CBL: variants seen among roughly 807,000 people sequenced by gnomAD.
CBL encodes E3 ubiquitin-protein ligase CBL.
A neutral mutation model predicts 96.9 loss-of-function variants in CBL; 45 were observed. The observed-to-expected ratio is 0.46, with a 90% confidence interval of 0.37 to 0.60. CBL has a LOEUF of 0.60. Among genes scored for constraint, CBL ranks in the 20% least tolerant of loss-of-function variants. The probability of loss-of-function intolerance (pLI) is 0.00; values close to 1 mark genes in which losing one functional copy is unlikely to be tolerated. For synonymous variants in CBL, 420 were observed against 426.8 expected, an observed-to-expected ratio of 0.98 and a Z score of 0.20; for missense variants, 1,024 against 1,143.5, an observed-to-expected ratio of 0.90 and a Z score of 1.51.
chr11:119,285,272 C>T lies in CBL; in HGVS notation c.1647C>T (p.Asp549=), dbSNP rs369030902. 1 of 1,614,200 alleles carries T rather than the reference C, an allele frequency of 6.2e-7. No individual in the cohort carries two copies. The highest frequency in any genetic ancestry group is 8.5e-7 in the Non-Finnish European group (1 of 1,180,044). The change falls in exon 11 of 16, where the codon GAC becomes GAT. Residue 549 remains aspartate, a synonymous_variant. Coordinates refer to ENST00000264033, the MANE Select transcript of CBL (RefSeq NM_005188.4). ...LRDLPPPPPP[D]RPYSVGAESR... is the part of the protein sequence containing the mutation. ...ATCTTCCACCACCACCGCCTCCAGA[C>T]CGGCCATATTCTGTTGGAGCAGAAT... is the stretch of plus-strand genomic sequence containing the variant.
Position 119,206,356 on chromosome 11 carries a change from C to G in CBL, c.-62C>G, listed in dbSNP as rs1459565190. The G allele has an allele frequency of 7.5e-7, 1 of 1,328,658 alleles. No homozygotes were observed. Among genetic ancestry groups the G allele is most frequent in the African/African-American group, 1.5e-5 (1 of 64,820 alleles). The allele number at this position is 1,328,658 out of a possible 1,614,324, so 82.3% of individuals were successfully genotyped here. A position where few individuals can be genotyped will look rare whatever the true frequency, so the allele number is the denominator to read the frequency against. On this transcript the variant is annotated 5_prime_UTR_variant, in exon 1 of 16. Coordinates refer to ENST00000264033, the MANE Select transcript of CBL (RefSeq NM_005188.4). ...GGCCCCTCCTTCACGCCCTGCTTCTCTCCCTCGCTCGCAGTCGAGCCGAGC... is the reference window on the plus strand; with the variant it reads ...GGCCCCTCCTTCACGCCCTGCTTCTGTCCCTCGCTCGCAGTCGAGCCGAGC...
intron 2 of CBL, among the ~76,000 whole-genome samples, chr11:119,255,819 A>G (rs1949706967): frequency 1.3e-5 from 2 of 151,930 alleles, no homozygotes; most frequent in African/African-American, 4.8e-5. Context: ...AATGATGGAG[A>G]ATGGATTTTG....
Position 119,206,423 on chromosome 11 carries a change from C to G in CBL, c.6C>G (p.Ala2=), listed in dbSNP as rs770473070. The change falls in exon 1 of 16, where the codon GCC becomes GCG. Residue 2 remains alanine, a synonymous_variant. Coordinates refer to ENST00000264033, the MANE Select transcript of CBL (RefSeq NM_005188.4). M[A]GNVKKSSGAG... ...GCTCCGACCCTGCCCAGGCCATGGC[C>G]GGCAACGTGAAGAAGAGCTCTGGGG... 1.9e-5 allele frequency: 29 copies of G among 1,564,374 alleles called. No individual in the cohort carries two copies. The African/African-American group carries it at 3.2e-4, about 18-fold the overall frequency.
intron 1 of CBL, among the ~76,000 whole-genome samples, chr11:119,218,658 A>G (rs1376478281): frequency 1.3e-5 from 2 of 152,146 alleles, no homozygotes; most frequent in Admixed American, 6.6e-5. Context: ...TACACCGTCT[A>G]CACTACCCAC....
chr11:119,306,061 T>C lies in CBL; in HGVS notation c.*6280T>C, dbSNP rs1251251400. On this transcript the variant is annotated 3_prime_UTR_variant, in exon 16 of 16. Coordinates refer to ENST00000264033, the MANE Select transcript of CBL (RefSeq NM_005188.4). Reference sequence around the variant, plus strand: ...CCCAGGAAATCTGGGTTGGTTCCAGTGGGAAATACCAGTATTTCTTGGTTC... The same window carrying C: ...CCCAGGAAATCTGGGTTGGTTCCAGCGGGAAATACCAGTATTTCTTGGTTC... The C allele has an allele frequency of 5.2e-6, 2 of 381,414 alleles. No individual in the cohort carries two copies. Among genetic ancestry groups the C allele is most frequent in the African/African-American group, 4.1e-5 (2 of 48,326 alleles). 23.6% of individuals were successfully genotyped at this position (381,414 alleles called of 1,614,324 possible).
Position 119,300,695 on chromosome 11 carries a change from A to G in CBL, c.*914A>G. The G allele has an allele frequency of 2.5e-6, 1 of 397,540 alleles. No homozygotes were observed. The highest frequency in any genetic ancestry group is 4.4e-6 in the Non-Finnish European group (1 of 225,630). The allele number at this position is 397,540 out of a possible 1,614,324, so 24.6% of individuals were successfully genotyped here. A position where few individuals can be genotyped will look rare whatever the true frequency, so the allele number is the denominator to read the frequency against. On this transcript the variant is annotated 3_prime_UTR_variant, in exon 16 of 16. Coordinates refer to ENST00000264033, the MANE Select transcript of CBL (RefSeq NM_005188.4). ...CGATTTGAGATAGAGGCCTTTAAAT[A>G]CATTCCATGCCCTCCCCAGAAAATA... is the stretch of plus-strand genomic sequence containing the variant.
chr11:119,305,543 C>T lies in CBL; in HGVS notation c.*5762C>T. On this transcript the variant is annotated 3_prime_UTR_variant, in exon 16 of 16. Coordinates refer to ENST00000264033, the MANE Select transcript of CBL (RefSeq NM_005188.4). ...TCCTTCCTGTGTGAGGGCCGCTCTG[C>T]AGTAATGTTCTCAGGCAAGCCTTCC... 4.4e-6 allele frequency: 1 copy of T among 228,730 alleles called. No individual in the cohort carries two copies. Among genetic ancestry groups the T allele is most frequent in the Non-Finnish European group, 8.7e-6 (1 of 115,288 alleles). 14.2% of individuals were successfully genotyped at this position (228,730 alleles called of 1,614,324 possible). A position where few individuals can be genotyped will look rare whatever the true frequency, so the allele number is the denominator to read the frequency against.
At position 119,305,260 on chromosome 11, in the gene CBL, A is replaced by G. The variant is rs139039795; in HGVS notation, c.*5479A>G. The stretch of plus-strand genomic sequence containing the variant: ...TTCCCTTTGTCAGTCTTCGCATCCA[A>G]GATTTCTTCCCTCCCTCTTGTGGGC... On this transcript the variant is annotated 3_prime_UTR_variant, in exon 16 of 16. Coordinates refer to ENST00000264033, the MANE Select transcript of CBL (RefSeq NM_005188.4). 2 of 232,074 alleles carry G rather than the reference A, an allele frequency of 8.6e-6. No homozygotes were observed. The highest frequency in any genetic ancestry group is 6.1e-5 in the East Asian group (1 of 16,430). 14.4% of individuals were successfully genotyped at this position (232,074 alleles called of 1,614,324 possible). A position where few individuals can be genotyped will look rare whatever the true frequency, so the allele number is the denominator to read the frequency against.
chr11:119,277,895 T>C, intron 7 of CBL, 51 bp downstream of exon 7: 2 of 1,229,368 alleles, frequency 1.6e-6, no homozygotes, highest in Admixed American at 1.7e-5. Context: ...AGCTTTAGTA[T>C]ATTCTTTATA....
At chr11:119,286,377 A>G (rs954092098) in intron 11 of CBL, among the ~76,000 whole-genome samples, 5 of 152,236 alleles carry the variant, frequency 3.3e-5, no homozygotes, top group Non-Finnish European at 5.9e-5. Context: ...CATAAATGCC[A>G]TTTGTAATCT....
chr11:119,299,115 C>T (rs1008228890), intron 15 of CBL, among the ~76,000 whole-genome samples: 4 of 152,240 alleles, frequency 2.6e-5, no homozygotes, highest in African/African-American at 9.6e-5. Context: ...GCTAATGCTT[C>T]TTCATTGCAA....
chr11:119,210,130 A>G (rs1949304860), intron 1 of CBL, among the ~76,000 whole-genome samples: 2 of 152,186 alleles, frequency 1.3e-5, no homozygotes, highest in African/African-American at 2.4e-5. Context: ...TAATCCCAAC[A>G]CTTTGGGAGG....
chr11:119,264,784 A>G (rs1457651888), intron 2 of CBL, among the ~76,000 whole-genome samples: 1 of 152,114 alleles, frequency 6.6e-6, no homozygotes, highest in Admixed American at 6.5e-5. Context: ...TGCCCAACCT[A>G]TAAGGAAATT....
intron 1 of CBL, among the ~76,000 whole-genome samples, chr11:119,230,739 C>T (rs1949496230): frequency 6.6e-6 from 1 of 152,198 alleles, no homozygotes; most frequent in Admixed American, 6.5e-5. Context: ...ACCGCTGATA[C>T]TGAATTTCCT....
At chr11:119,272,718 C>T (rs537519486) in intron 3 of CBL, among the ~76,000 whole-genome samples, 1 of 152,252 alleles carries the variant, frequency 6.6e-6, no homozygotes, top group South Asian at 2.1e-4. Flanking sequence ...TTCTTCTCAC[C>T]TTTATGACCA....
At position 119,305,267 on chromosome 11, in the gene CBL, TTCCCTCCC is replaced by T. The variant is rs1169984030; in HGVS notation, c.*5489_*5496del. On this transcript the variant is annotated 3_prime_UTR_variant, in exon 16 of 16. Coordinates refer to ENST00000264033, the MANE Select transcript of CBL (RefSeq NM_005188.4). Reference sequence around the variant, plus strand: ...TGTCAGTCTTCGCATCCAAGATTTCTTCCCTCCCTCTTGTGGGCCAGCCTGTCCTGTTC... The same window carrying T: ...TGTCAGTCTTCGCATCCAAGATTTCTTCTTGTGGGCCAGCCTGTCCTGTTC... The T allele has an allele frequency of 4.3e-6, 1 of 231,704 alleles. No homozygotes were observed. The highest frequency in any genetic ancestry group is 8.5e-6 in the Non-Finnish European group (1 of 117,146). 14.4% of individuals were successfully genotyped at this position (231,704 alleles called of 1,614,324 possible). A position where few individuals can be genotyped will look rare whatever the true frequency, so the allele number is the denominator to read the frequency against.
Position 119,303,359 on chromosome 11 carries a change from AGTTT to A in CBL, c.*3586_*3589del, listed in dbSNP as rs1293906744. The A allele has an allele frequency of 6.4e-5, 15 of 233,468 alleles. No homozygotes were observed. The highest frequency in any genetic ancestry group is 2.8e-4 in the Admixed American group (5 of 17,794). 14.5% of individuals were successfully genotyped at this position (233,468 alleles called of 1,614,324 possible). On this transcript the variant is annotated 3_prime_UTR_variant, in exon 16 of 16. Coordinates refer to ENST00000264033, the MANE Select transcript of CBL (RefSeq NM_005188.4). The stretch of plus-strand genomic sequence containing the variant: ...TTCTGACTATTGGTCTGGCTCTAAC[AGTTT>A]GTTTGTTCATCCAGCAAATGTTTAT...
At chr11:119,210,377 A>C (rs1473780107) in intron 1 of CBL, among the ~76,000 whole-genome samples, 1 of 152,140 alleles carries the variant, frequency 6.6e-6, no homozygotes, top group South Asian at 2.1e-4. Context: ...ACCCTGTTTC[A>C]AAAACAAATA....
chr11:119,297,006 C>T lies in CBL; in HGVS notation c.2125C>T (p.Arg709Trp), dbSNP rs587778155. 8.1e-6 allele frequency: 13 copies of T among 1,599,242 alleles called. No individual in the cohort carries two copies. Among genetic ancestry groups the T allele is most frequent in the Non-Finnish European group, 1.0e-5 (12 of 1,166,560 alleles). The change falls in exon 13 of 16, where the codon CGG (arginine) becomes TGG (tryptophan). Residue 709 changes from arginine to tryptophan, a missense_variant. Physicochemically the swap from Arg to Trp is moderately radical, Grantham distance 101 (BLOSUM62 -3). Around this residue, in one of 4 missense-constraint regions of CBL, gnomAD observed 695 missense variants for 661.6 expected, o/e 1.05. Coordinates refer to ENST00000264033, the MANE Select transcript of CBL (RefSeq NM_005188.4). ...CATGACTCCCTCTTCCAGGCCTCTA[C>T]GGCCTTTGGATACATCCCAGAGTTC... ...EYMTPSSRPL[R>W]PLDTSQSSRA... is the part of the protein sequence containing the mutation.
Sources: gnomAD v4.1 joint callset for allele counts (sites outside exome capture counted in the v4.1 genomes callset) on GRCh38, gnomAD v4.1.1 for gene constraint, gnomAD v4.1.1 regional missense constraint, MANE v1.5 for transcripts, NCBI Gene and HGNC (gene_info 2026-07-23, HGNC 2026-07-21) for gene names.